The following MGAM2 variants were observed in gnomAD, a reference collection of about 807,000 sequenced individuals.
MGAM2 encodes the protein probable maltase-glucoamylase 2.
Under a neutral mutation model 96.1 loss-of-function variants are expected in MGAM2, and 98 were observed. That is an observed-to-expected ratio of 1.02 (90% confidence interval 0.87 to 1.21). MGAM2 has a LOEUF of 1.21. MGAM2 is among the 50% of genes most tolerant of loss of function. MGAM2 has a pLI of 0.00. For missense variants in MGAM2, 2,055 were observed against 1,182.4 expected (o/e 1.74, Z -10.82); for synonymous variants, 749 against 414.8 (o/e 1.81, Z -9.79).
intron 4 of MGAM2, 150 bp from the exon 5 acceptor site, chr7:142,131,368 G>A: frequency 1.7e-6 from 1 of 604,936 alleles, no homozygotes; most frequent in African/African-American, 1.8e-5. Flanking sequence ...AACCTGGGAG[G>A]TGGAGGTTGC....
In MGAM2 at chr7:142,169,979, A is replaced by T. The variant is rs77598062; in HGVS notation, c.3028-96A>T. The stretch of plus-strand genomic sequence containing the variant: ...TTTGATGCCTACTGATATGGTGCAA[A>T]CTGGTCAAAAACATGGAAACTGAAT... On this transcript the variant is annotated intron_variant, in intron 26 of 47. Coordinates refer to ENST00000477922, the MANE Select transcript of MGAM2 (RefSeq NM_001293626.2). 4,310 of 606,230 alleles carry T rather than the reference A, an allele frequency of 7.1e-3. 47 individuals carry two copies. The highest frequency in any genetic ancestry group is 0.018 in the Middle Eastern group (66 of 3,722). The allele number at this position is 606,230 out of a possible 1,614,324, so 37.6% of individuals were successfully genotyped here. A position where few individuals can be genotyped will look rare whatever the true frequency, so the allele number is the denominator to read the frequency against.
At position 142,221,046 on chromosome 7, in the gene MGAM2, C is replaced by A. The variant is rs1797911625; in HGVS notation, c.6535C>A (p.Pro2179Thr). Residue 2179 changes from proline (P) to threonine (T), a missense_variant, in exon 48 of 48, where the codon CCA (proline) becomes ACA (threonine). Pro to Thr is a conservative substitution (Grantham distance 38). Coordinates refer to ENST00000477922, the MANE Select transcript of MGAM2 (RefSeq NM_001293626.2). ...TGATACTGTTCCTAATAATACTGTT[C>A]CAGTTACAGCTATTCCTTCTCTTGC... is the stretch of plus-strand genomic sequence containing the variant. ...TDDTVPNNTVPVTAIPSLANT... is the reference protein window; with the variant it reads ...TDDTVPNNTVTVTAIPSLANT... 1.4e-6 allele frequency: 1 copy of A among 702,484 alleles called. No individual in the cohort carries two copies. The highest frequency in any genetic ancestry group is 2.7e-5 in the East Asian group (1 of 37,246). 43.5% of individuals were successfully genotyped at this position (702,484 alleles called of 1,614,324 possible).
intron 1 of MGAM2, among the ~76,000 whole-genome samples, chr7:142,114,134 A>AAAAGAAAG (rs1168817870): frequency 9.0e-6 from 1 of 110,588 alleles, no homozygotes; most frequent in South Asian, 3.1e-4. Flanking sequence ...CCATCTCAAA[A>AAAAGAAAG]AAAGAAAGAA....
chr7:142,123,974 T>TA, intron 3 of MGAM2, among the ~76,000 whole-genome samples: 1 of 127,452 alleles, frequency 7.8e-6, no homozygotes, highest in African/African-American at 2.9e-5. Context: ...TTTTTTTTTT[T>TA]TTTTTTTTTT....
intron 16 of MGAM2, 95 bp downstream of exon 16, chr7:142,154,284 A>G (rs1044348900): frequency 1.6e-5 from 8 of 507,004 alleles, no homozygotes; most frequent in African/African-American, 1.1e-4. Context: ...ACCAAGGATC[A>G]TGTTCCAAGG....
rs59759973 is a variant in MGAM2, at chr7:142,120,813, G to A, written c.186+432G>A. 3.5e-3 allele frequency among the ~76,000 whole-genome samples: 536 copies of A among 152,170 alleles called. 3 individuals carry two copies. The highest frequency in any genetic ancestry group is 0.012 in the African/African-American group (511 of 41,520). On this transcript the variant is annotated intron_variant, in intron 3 of 47. Coordinates refer to ENST00000477922, the MANE Select transcript of MGAM2 (RefSeq NM_001293626.2). ...CTGAGTCACTGGCTGAGTCACCTACGGAACTCAGGCAAATTGTTACAAGAG... is the reference window on the plus strand; with the variant it reads ...CTGAGTCACTGGCTGAGTCACCTACAGAACTCAGGCAAATTGTTACAAGAG...
chr7:142,214,983 T>C (rs535180608), intron 46 of MGAM2, among the ~76,000 whole-genome samples: 1 of 152,312 alleles, frequency 6.6e-6, no homozygotes, highest in African/African-American at 2.4e-5. Context: ...ATCATTCTGC[T>C]ATAAAGAAAC....
chr7:142,202,809 T>C (rs1324160709), intron 45 of MGAM2, among the ~76,000 whole-genome samples: 1 of 152,208 alleles, frequency 6.6e-6, no homozygotes, highest in Admixed American at 6.5e-5. Context: ...GGTAGAATGA[T>C]TTATTTTCCT....
chr7:142,182,727 G>A (rs1048071497), intron 32 of MGAM2, among the ~76,000 whole-genome samples: 4 of 152,174 alleles, frequency 2.6e-5, no homozygotes, highest in Admixed American at 6.5e-5. Flanking sequence ...AGCTGGTCCC[G>A]GCACTCAGCA....
At chr7:142,174,715 C>CTCTTTTTTTTTTTTT (rs1194981898) in intron 31 of MGAM2, among the ~76,000 whole-genome samples, 8 of 85,444 alleles carry the variant, frequency 9.4e-5, no homozygotes, top group African/African-American at 4.0e-4. Flanking sequence ...CTCTCTCTCT[C>CTCTTTTTTTTTTTTT]TTTTTTTTTT....
intron 3 of MGAM2, among the ~76,000 whole-genome samples, chr7:142,130,003 C>T (rs930692962): frequency 6.6e-6 from 1 of 151,988 alleles, no homozygotes; most frequent in African/African-American, 2.4e-5. Context: ...AGGTGAATGC[C>T]TGTGTTTATT....
At chr7:142,128,613 A>G (rs1794793310) in intron 3 of MGAM2, among the ~76,000 whole-genome samples, 1 of 152,214 alleles carries the variant, frequency 6.6e-6, no homozygotes, top group East Asian at 1.9e-4. Flanking sequence ...AGACATGGCT[A>G]AAAGGGACAA....
rs1428012609 is a variant in MGAM2, at chr7:142,220,319, T to C, written c.5808T>C (p.Thr1936=). Residue 1936 remains threonine (T), a synonymous_variant, in exon 48 of 48, where the codon ACT becomes ACC. Coordinates refer to ENST00000477922, the MANE Select transcript of MGAM2 (RefSeq NM_001293626.2). ...CTAGTACTGCTAGCACTAATGCTAC[T>C]GTTCCTATCACAACCACATGTTTTG... The part of the protein sequence containing the change: ...TNASTASTNA[T]VPITTTCFAT... 1 of 702,720 alleles carries C rather than the reference T, an allele frequency of 1.4e-6. No homozygotes were observed. The highest frequency in any genetic ancestry group is 2.6e-6 in the Non-Finnish European group (1 of 384,924). The allele number at this position is 702,720 out of a possible 1,614,324, so 43.5% of individuals were successfully genotyped here.
intron 32 of MGAM2, among the ~76,000 whole-genome samples, chr7:142,180,168 G>A (rs1335125231): frequency 6.6e-6 from 1 of 151,990 alleles, no homozygotes; most frequent in African/African-American, 2.4e-5. Context: ...AAATCTCTAA[G>A]GATATTCTGT....
intron 45 of MGAM2, among the ~76,000 whole-genome samples, chr7:142,204,269 TAACA>T (rs1250988825): frequency 6.6e-6 from 1 of 151,980 alleles, no homozygotes; most frequent in Admixed American, 6.6e-5. Flanking sequence ...AAATTTCTCC[TAACA>T]GTTTATGGAT....
At chr7:142,204,224 T>C (rs1797328720) in intron 45 of MGAM2, among the ~76,000 whole-genome samples, 1 of 152,014 alleles carries the variant, frequency 6.6e-6, no homozygotes, top group Admixed American at 6.5e-5. Context: ...GTCCTAAGTA[T>C]TTTTAAGTTT....
chr7:142,115,825 C>T (rs1039678555), intron 1 of MGAM2, among the ~76,000 whole-genome samples: 3 of 152,008 alleles, frequency 2.0e-5, no homozygotes, highest in African/African-American at 4.8e-5. Flanking sequence ...AGCTGGGCAA[C>T]AAGAGTGAAA....
chr7:142,211,094 G>A (rs1797568355), intron 46 of MGAM2, among the ~76,000 whole-genome samples: 1 of 152,210 alleles, frequency 6.6e-6, no homozygotes, highest in Admixed American at 6.5e-5. Flanking sequence ...CTGCAGAAGA[G>A]GGGCCTGACT....
At position 142,161,230 on chromosome 7, in the gene MGAM2, C is replaced by T. The variant is rs1279316776; in HGVS notation, c.2434+17C>T. 1 of 701,582 alleles carries T rather than the reference C, an allele frequency of 1.4e-6. No individual in the cohort carries two copies. The highest frequency in any genetic ancestry group is 1.7e-5 in the African/African-American group (1 of 57,342). The allele number at this position is 701,582 out of a possible 1,614,324, so 43.5% of individuals were successfully genotyped here. A position where few individuals can be genotyped will look rare whatever the true frequency, so the allele number is the denominator to read the frequency against. ...TATCTAAAGGTAGACTTTCTCAAGG[C>T]ACCATCCCTGTGGATCACTGTGGTT... On this transcript the variant is annotated intron_variant, in intron 22 of 47. Transcript: ENST00000477922.
Sources: gnomAD v4.1 joint callset for allele counts (sites outside exome capture counted in the v4.1 genomes callset) on GRCh38, gnomAD v4.1.1 for gene constraint, MANE v1.5 for transcripts, NCBI Gene and HGNC (gene_info 2026-07-23, HGNC 2026-07-21) for gene names.